The following SYTL5 variants were observed in gnomAD, a reference collection of about 807,000 sequenced individuals.
SYTL5 encodes the protein synaptotagmin like 5, also known as synaptotagmin-like protein 5.
In SYTL5, 34 loss-of-function variants were observed where a neutral mutation model predicts 55.9. That is an observed-to-expected ratio of 0.61 (90% confidence interval 0.46 to 0.81). The LOEUF is 0.81. Among genes scored for constraint, SYTL5 ranks in the 30% least tolerant of loss-of-function variants. The probability of loss-of-function intolerance (pLI) is 0.00; values close to 1 mark genes in which losing one functional copy is unlikely to be tolerated. For synonymous variants in SYTL5, 221 were observed against 188.7 expected (o/e 1.17, Z -1.40); for missense variants, 637 against 546.7 (o/e 1.17, Z -1.65).
intron 2 of SYTL5, among the ~76,000 whole-genome samples, chrX:38,044,178 C>T (rs1241100379): frequency 2.7e-5 from 3 of 111,513 alleles, no homozygotes; most frequent in Non-Finnish European, 5.7e-5. Context: ...CATTTATATT[C>T]ATATTCAACA....
At chrX:38,011,007 A>AAATCC (rs751381776) in intron 1 of SYTL5, among the ~76,000 whole-genome samples, 2 of 111,398 alleles carry the variant, frequency 1.8e-5, no homozygotes, top group African/African-American at 6.5e-5. Context: ...ACCAGATTTC[A>AAATCC]AATCCAAGCA....
At chrX:37,909,680 A>ATTT in the SYTL5 span, among the ~76,000 whole-genome samples, 1 of 102,982 alleles carries the variant, frequency 9.7e-6, no homozygotes, top group African/African-American at 3.5e-5. Context: ...TTCTGTTTTT[A>ATTT]TTTTTTTTTT....
chrX:37,990,375 T>C, the SYTL5 span, among the ~76,000 whole-genome samples: 1 of 111,571 alleles, frequency 9.0e-6, no homozygotes, highest in Non-Finnish European at 1.9e-5. Flanking sequence ...ACTGGTTTCA[T>C]AAGGTGAAGA....
intron 2 of SYTL5, among the ~76,000 whole-genome samples, chrX:38,039,298 C>T (rs1171824516): frequency 8.9e-6 from 1 of 112,228 alleles, no homozygotes; most frequent in Non-Finnish European, 1.9e-5. Context: ...AATTTATTGA[C>T]GGCTTTACTG....
chrX:38,013,070 T>C (rs975567549), intron 1 of SYTL5, among the ~76,000 whole-genome samples: 1 of 112,376 alleles, frequency 8.9e-6, no homozygotes, highest in African/African-American at 3.2e-5. Context: ...TAGATTGGGA[T>C]GTCCTGTTTG....
At chrX:37,981,727 A>C in the SYTL5 span, among the ~76,000 whole-genome samples, 1 of 111,832 alleles carries the variant, frequency 8.9e-6, no homozygotes, top group East Asian at 2.8e-4. Flanking sequence ...TAATTAGTGG[A>C]ATTTAATGGC....
chrX:37,917,287 G>C, the SYTL5 span, among the ~76,000 whole-genome samples: 1 of 111,468 alleles, frequency 9.0e-6, no homozygotes, highest in East Asian at 2.8e-4. Context: ...CTCCTTGAAG[G>C]TATTTACAAA....
chrX:37,932,833 T>C, the SYTL5 span, among the ~76,000 whole-genome samples: 2 of 111,870 alleles, frequency 1.8e-5, no homozygotes, highest in African/African-American at 6.5e-5. Flanking sequence ...TTTACCCACA[T>C]GCCTAGTACC....
chrX:37,954,137 G>A, the SYTL5 span, among the ~76,000 whole-genome samples: 1 of 111,848 alleles, frequency 8.9e-6, no homozygotes, highest in African/African-American at 3.2e-5. Flanking sequence ...GTACAGCTAA[G>A]TGTGGACATC....
At chrX:37,950,633 G>A in the SYTL5 span, among the ~76,000 whole-genome samples, 1 of 110,813 alleles carries the variant, frequency 9.0e-6, no homozygotes, top group African/African-American at 3.3e-5. Context: ...TTTTTTGGTG[G>A]CTTTAATATT....
At chrX:37,924,977 T>A in the SYTL5 span, among the ~76,000 whole-genome samples, 1 of 111,367 alleles carries the variant, frequency 9.0e-6, no homozygotes, top group Non-Finnish European at 1.9e-5. Context: ...TATTTTTTTT[T>A]ATCTAAATGT....
intron 13 of SYTL5, among the ~76,000 whole-genome samples, chrX:38,114,264 A>T (rs1483441882): frequency 9.0e-6 from 1 of 111,722 alleles, no homozygotes; most frequent in Non-Finnish European, 1.9e-5. Context: ...AACCTGGACT[A>T]ACCTTCCCAA....
the SYTL5 span, among the ~76,000 whole-genome samples, chrX:37,926,918 T>A: frequency 1.8e-5 from 2 of 112,055 alleles, no homozygotes; most frequent in Non-Finnish European, 3.8e-5. Flanking sequence ...ATATAACTTA[T>A]AGAGACAGAT....
chrX:38,051,758 G>A lies in SYTL5; in HGVS notation c.120-2455G>A, dbSNP rs753182659. 5.4e-5 allele frequency among the ~76,000 whole-genome samples: 6 copies of A among 111,170 alleles called. No homozygotes were observed. In the South Asian group the frequency reaches 1.5e-3, roughly 28 times the overall value. On this transcript the variant is annotated intron_variant, in intron 2 of 16. Transcript: ENST00000297875. Reference sequence around the variant, plus strand: ...GGGACAAAGAGGTCTCCTTTCTGTCGTCATTACCATTTCTCCATATGAAAC... The same window carrying A: ...GGGACAAAGAGGTCTCCTTTCTGTCATCATTACCATTTCTCCATATGAAAC...
At chrX:37,997,808 T>C in the SYTL5 span, among the ~76,000 whole-genome samples, 1 of 112,530 alleles carries the variant, frequency 8.9e-6, no homozygotes, top group East Asian at 2.8e-4. Context: ...ACTGCAGTCC[T>C]ACAGACTGGA....
intron 9 of SYTL5, among the ~76,000 whole-genome samples, chrX:38,097,506 A>C (rs746521372): frequency 9.0e-6 from 1 of 111,179 alleles, no homozygotes; most frequent in African/African-American, 3.2e-5. Flanking sequence ...TTCATTTTTA[A>C]AAGTGTAATA....
intron 3 of SYTL5, among the ~76,000 whole-genome samples, chrX:38,066,462 G>A (rs1038726683): frequency 8.9e-6 from 1 of 111,757 alleles, no homozygotes; most frequent in Non-Finnish European, 1.9e-5. Context: ...AGCCCACTGT[G>A]ATTTTAATCA....
At chrX:37,930,706 G>A in the SYTL5 span, among the ~76,000 whole-genome samples, 2 of 112,151 alleles carry the variant, frequency 1.8e-5, no homozygotes, top group Non-Finnish European at 3.8e-5. Flanking sequence ...AAAACATTGT[G>A]TCTTAGTTGT....
intron 3 of SYTL5, among the ~76,000 whole-genome samples, chrX:38,057,270 T>A (rs1365125227): frequency 8.9e-6 from 1 of 111,866 alleles, no homozygotes; most frequent in Non-Finnish European, 1.9e-5. Flanking sequence ...TTCTGGCACC[T>A]TTGTGGAAAA....
Sources: gnomAD v4.1 joint callset for allele counts (sites outside exome capture counted in the v4.1 genomes callset) on GRCh38, gnomAD v4.1.1 for gene constraint, MANE v1.5 for transcripts, NCBI Gene and HGNC (gene_info 2026-07-23, HGNC 2026-07-21) for gene names.